Variants in NUP210 observed in about 807,000 individuals in gnomAD.
The protein encoded by NUP210 is nuclear pore membrane glycoprotein 210.
NUP210 carries 151 observed loss-of-function variants against 196.0 expected under a neutral mutation model. The observed-to-expected ratio is 0.77, with a 90% confidence interval of 0.67 to 0.88. NUP210 has a LOEUF of 0.88. Among genes scored for constraint, NUP210 ranks in the 40% least tolerant of loss-of-function variants. NUP210 has a pLI of 0.00. For missense variants in NUP210, 2,314 were observed against 2,493.7 expected, an observed-to-expected ratio of 0.93 and a Z score of 1.53; for synonymous variants, 1,070 against 1,052.7, an observed-to-expected ratio of 1.02 and a Z score of -0.32.
chr3:13,322,397 T>G, intron 34 of NUP210, 58 bp from the exon 35 acceptor site: 1 of 1,595,532 alleles, frequency 6.3e-7, no homozygotes, highest in Non-Finnish European at 8.6e-7. Context: ...CACACCAAAT[T>G]CCACCAGGCC....
intron 20 of NUP210, among the ~76,000 whole-genome samples, chr3:13,346,187 G>T (rs1231119773): frequency 6.6e-6 from 1 of 152,220 alleles, no homozygotes; most frequent in Non-Finnish European, 1.5e-5. Flanking sequence ...CCCTCAGGCT[G>T]GTGCACAGCA....
At chr3:13,335,032 G>A (rs1461378415) in intron 28 of NUP210, among the ~76,000 whole-genome samples, 1 of 152,238 alleles carries the variant, frequency 6.6e-6, no homozygotes, top group Non-Finnish European at 1.5e-5. Context: ...CCTGAGGACT[G>A]GAGGCAGCAA....
At chr3:13,345,155 G>C (rs1417584591) in intron 20 of NUP210, 15 of 985,418 alleles carry the variant, frequency 1.5e-5, no homozygotes, top group Non-Finnish European at 1.8e-5. Flanking sequence ...TTCTGGATAA[G>C]GTCATGGAAC....
intron 9 of NUP210, among the ~76,000 whole-genome samples, chr3:13,377,132 C>G (rs1698938305): frequency 6.6e-6 from 1 of 152,200 alleles, no homozygotes; most frequent in Non-Finnish European, 1.5e-5. Context: ...AGGTCCCCAG[C>G]TTGGGGAAAA....
intron 2 of NUP210, among the ~76,000 whole-genome samples, chr3:13,397,823 A>G (rs761096852): frequency 6.6e-6 from 1 of 152,240 alleles, no homozygotes; most frequent in Non-Finnish European, 1.5e-5. Flanking sequence ...ATGAGTTCCC[A>G]TCCCAAAGAC....
intron 20 of NUP210, chr3:13,344,727 C>T (rs953703769): frequency 8.9e-5 from 14 of 157,764 alleles, no homozygotes; most frequent in Non-Finnish European, 1.9e-4. Flanking sequence ...ATTCCATGCA[C>T]ATCACCCTCC....
At position 13,354,051 on chromosome 3, in the gene NUP210, C is replaced by T. The variant is rs1419368136; in HGVS notation, c.2385G>A (p.Glu795=). The change falls in exon 17 of 40, where the codon GAG becomes GAA. Residue 795 remains glutamate, a synonymous_variant. Coordinates refer to ENST00000254508, the MANE Select transcript of NUP210 (RefSeq NM_024923.4). ...AGCTGAAGTTGTCGAACCGGCGGCC[C>T]TCCTGGTCGTAAGCAGCCAGGTCCA... The part of the protein sequence containing the change: ...PRLDLAAYDQ[E]GRRFDNFSSL... 2 of 1,605,440 alleles carry T rather than the reference C, an allele frequency of 1.2e-6. No individual in the cohort carries two copies.
chr3:13,420,186 G>T lies in NUP210; in HGVS notation c.41C>A (p.Ser14Ter), dbSNP rs1271559481. 1.6e-6 allele frequency: 2 copies of T among 1,237,470 alleles called. No homozygotes were observed. The highest frequency in any genetic ancestry group is 2.5e-5 in the South Asian group (1 of 40,088). 76.7% of individuals were successfully genotyped at this position (1,237,470 alleles called of 1,614,324 possible). A position where few individuals can be genotyped will look rare whatever the true frequency, so the allele number is the denominator to read the frequency against. Residue 14 changes from serine (S) to a stop codon, truncating the protein, a stop_gained, in exon 1 of 40, where the codon TCG becomes TAG. Transcript: ENST00000254508. LOFTEE classifies it high-confidence loss of function. This position sits in a 1 kb window ranked among gnomAD's most constrained non-coding sequence, Gnocchi z 4.8. ...GGAGGGGCCCGCCGCCAACAGCACC[G>T]ACAGCGTCAGCAGCAGCAGCCCCCG... ...RGRGLLLLTL[S>*]VLLAAGPSAA...
At chr3:13,397,543 C>T in intron 2 of NUP210, 55 bp from the exon 3 acceptor site, 1 of 1,501,814 alleles carries the variant, frequency 6.7e-7, no homozygotes, top group Non-Finnish European at 8.9e-7. Context: ...CCCCTGGCTC[C>T]ACTTCCAAGC....
rs3821606 is a variant in NUP210 at position 13,325,514 on chromosome 3, G to A, written c.4644+281C>T. On this transcript the variant is annotated intron_variant, in intron 33 of 39. Transcript: ENST00000254508. ...CCGGCTCCCAGGAAGTGCCCACTCCGGGGTTGCCAGACCCAAGCCCATGGG... is the reference window on the plus strand; with the variant it reads ...CCGGCTCCCAGGAAGTGCCCACTCCAGGGTTGCCAGACCCAAGCCCATGGG... Among the ~76,000 whole-genome samples, 545 of 152,224 alleles carry A rather than the reference G, an allele frequency of 3.6e-3. 12 individuals are homozygous for A. In the East Asian group the frequency reaches 0.068, roughly 19 times the overall value.
chr3:13,384,475 T>C (rs1256416280), intron 6 of NUP210, among the ~76,000 whole-genome samples: 1 of 152,232 alleles, frequency 6.6e-6, no homozygotes, highest in Non-Finnish European at 1.5e-5. Flanking sequence ...GGTACACAAC[T>C]GTAGTCCCAG....
In NUP210 at chr3:13,335,471, C is replaced by A; in HGVS notation, c.3826G>T (p.Asp1276Tyr). The change falls in exon 28 of 40, where the codon GAT (aspartate) becomes TAT (tyrosine). Residue 1276 changes from aspartate (D) to tyrosine (Y), a missense_variant. Asp to Tyr is a radical substitution (Grantham distance 160). Coordinates refer to ENST00000254508, the MANE Select transcript of NUP210 (RefSeq NM_024923.4). ...QLYGLARELS[D>Y]EIQVQVFEKL... ...CCTCCTACCTGGACTTGGATCTCAT[C>A]CGAGAGTTCTCTGGCCAGGCCATAC... The A allele has an allele frequency of 6.2e-7, 1 of 1,613,728 alleles. No individual in the cohort carries two copies. Among genetic ancestry groups the A allele is most frequent in the Non-Finnish European group, 8.5e-7 (1 of 1,179,724 alleles).
Position 13,347,324 on chromosome 3 carries a change from G to A in NUP210, c.2836-4021C>T. The stretch of plus-strand genomic sequence containing the variant: ...ATGGGAAATGTAAAGTGCCCAGCAG[G>A]CTCCTTCCCCTGCTCTGGTCATCTC... On this transcript the variant is annotated intron_variant, in intron 20 of 39. Transcript: ENST00000254508. The surrounding 1 kb of genome is among the most constrained non-coding windows in gnomAD (Gnocchi z 4.7). 3 of 985,392 alleles carry A rather than the reference G, an allele frequency of 3.0e-6. No individual in the cohort carries two copies. The highest frequency in any genetic ancestry group is 3.6e-6 in the Non-Finnish European group (3 of 829,894). 61.0% of individuals were successfully genotyped at this position (985,392 alleles called of 1,614,324 possible).
At chr3:13,333,442 T>A (rs1232157116) in intron 28 of NUP210, among the ~76,000 whole-genome samples, 2 of 152,164 alleles carry the variant, frequency 1.3e-5, no homozygotes, top group Non-Finnish European at 2.9e-5. Context: ...ATGGCCAATA[T>A]CATCGGATCT....
chr3:13,317,307 GACA>G lies in NUP210; in HGVS notation c.*371_*373del. ...GACCACTACAGTAACATCACCCACA[GACA>G]ACTTCTAAAGAGCACTTCTAACTGC... On this transcript the variant is annotated 3_prime_UTR_variant, in exon 40 of 40. Coordinates refer to ENST00000254508, the MANE Select transcript of NUP210 (RefSeq NM_024923.4). 3.8e-6 allele frequency: 1 copy of G among 265,612 alleles called. No individual in the cohort carries two copies. Among genetic ancestry groups the G allele is most frequent in the South Asian group, 3.8e-5 (1 of 26,500 alleles). The allele number at this position is 265,612 out of a possible 1,614,324, so 16.5% of individuals were successfully genotyped here.
At chr3:13,384,605 A>C (rs1699213824) in intron 6 of NUP210, among the ~76,000 whole-genome samples, 1 of 152,224 alleles carries the variant, frequency 6.6e-6, no homozygotes, top group Non-Finnish European at 1.5e-5. Flanking sequence ...AAAGAAAAGC[A>C]CTTACAACTG....
Position 13,388,290 on chromosome 3 carries a change from G to A in NUP210, c.684+13C>T, listed in dbSNP as rs763412735. ...CCAGGAAGCCCACTGACACCCCAGC[G>A]CCCCAGGCCCACCTTGTAGACAGCC... On this transcript the variant is annotated intron_variant, in intron 5 of 39. Transcript: ENST00000254508. 2.5e-5 allele frequency: 39 copies of A among 1,584,946 alleles called. No individual in the cohort carries two copies. The South Asian group carries it at 3.8e-4, about 15-fold the overall frequency.
chr3:13,409,674 C>A (rs952023146), intron 1 of NUP210, among the ~76,000 whole-genome samples: 4 of 152,030 alleles, frequency 2.6e-5, no homozygotes, highest in African/African-American at 4.8e-5. Flanking sequence ...TAGCTCAGAA[C>A]CCCTGGTCTG....
intron 30 of NUP210, 74 bp from the exon 31 acceptor site, chr3:13,329,020 G>C (rs1199785792): frequency 1.3e-5 from 18 of 1,365,512 alleles, no homozygotes; most frequent in Non-Finnish European, 1.4e-5. Flanking sequence ...ACCTCCCAAG[G>C]AGGGGACACC....
Sources: gnomAD v4.1 joint callset for allele counts (sites outside exome capture counted in the v4.1 genomes callset) on GRCh38, gnomAD v4.1.1 for gene constraint, Gnocchi (gnomAD v3.1) non-coding constraint, MANE v1.5 for transcripts, NCBI Gene and HGNC (gene_info 2026-07-23, HGNC 2026-07-21) for gene names.